SNX29: variants seen among roughly 807,000 people sequenced by gnomAD.
SNX29 encodes the protein sorting nexin 29, also known as sorting nexin-29.
A neutral mutation model predicts 102.1 loss-of-function variants in SNX29; 78 were observed. That is an observed-to-expected ratio of 0.76 (90% CI 0.64 to 0.92). The LOEUF (loss-of-function observed/expected upper bound fraction) is 0.92. Among genes scored for constraint, SNX29 ranks in the 40% least tolerant of loss-of-function variants. The pLI is 0.00. For missense variants in SNX29, 1,280 were observed against 1,061.7 expected (o/e 1.21, Z -2.86); for synonymous variants, 580 against 414.5 (o/e 1.40, Z -4.85).
chr16:12,571,745 A>C lies in SNX29; in HGVS notation c.*3116A>C. The C allele has an allele frequency of 9.8e-7, 1 of 1,021,554 alleles. No homozygotes were observed. Among genetic ancestry groups the C allele is most frequent in the Non-Finnish European group, 1.2e-6 (1 of 840,498 alleles). 63.3% of individuals were successfully genotyped at this position (1,021,554 alleles called of 1,614,324 possible). A position where few individuals can be genotyped will look rare whatever the true frequency, so the allele number is the denominator to read the frequency against. ...TTAAAGGCTGCTAGAAACCTAGCCCAACCATCCACTCCTGATCTGAGACAG... is the reference window on the plus strand; with the variant it reads ...TTAAAGGCTGCTAGAAACCTAGCCCCACCATCCACTCCTGATCTGAGACAG... On this transcript the variant is annotated 3_prime_UTR_variant, in exon 21 of 21. Transcript: ENST00000566228.
In SNX29 at chr16:12,162,967, C is replaced by T. The variant is rs143719462; in HGVS notation, c.1595+33209C>T. On this transcript the variant is annotated intron_variant, in intron 13 of 20. Transcript: ENST00000566228. The stretch of plus-strand genomic sequence containing the variant: ...TACGCTCTTGGCTCACTGCAACCTC[C>T]GCCTCCAGGGTTTAAGTGATTCTCT... Among the ~76,000 whole-genome samples, 491 of 152,206 alleles carry T rather than the reference C, an allele frequency of 3.2e-3. 1 individual carries two copies. Among genetic ancestry groups the T allele is most frequent in the African/African-American group, 0.011 (451 of 41,522 alleles).
intron 16 of SNX29, among the ~76,000 whole-genome samples, chr16:12,377,893 G>A (rs1158357877): frequency 6.6e-6 from 1 of 152,186 alleles, no homozygotes; most frequent in Non-Finnish European, 1.5e-5. Flanking sequence ...AACAGGGATT[G>A]AGGGTTTTCC....
At chr16:12,382,722 CT>C (rs887328262) in intron 16 of SNX29, among the ~76,000 whole-genome samples, 2 of 152,200 alleles carry the variant, frequency 1.3e-5, no homozygotes, top group African/African-American at 4.8e-5. Flanking sequence ...TGTGTTCCCC[CT>C]GGAGGCTCTA....
intron 20 of SNX29, among the ~76,000 whole-genome samples, chr16:12,549,349 G>A (rs971624981): frequency 2.0e-5 from 3 of 152,146 alleles, no homozygotes; most frequent in African/African-American, 7.2e-5. Flanking sequence ...ACAAAAATTA[G>A]CCATGGGTGG....
At chr16:12,453,978 C>G (rs2086422357) in intron 18 of SNX29, among the ~76,000 whole-genome samples, 1 of 151,962 alleles carries the variant, frequency 6.6e-6, no homozygotes, top group Non-Finnish European at 1.5e-5. Context: ...TTTTCCTTAT[C>G]TCTTAGTAAC....
At chr16:12,127,696 A>G (rs555447623) in intron 12 of SNX29, among the ~76,000 whole-genome samples, 3 of 152,334 alleles carry the variant, frequency 2.0e-5, no homozygotes, top group East Asian at 1.9e-4. Flanking sequence ...TGCTAAGATT[A>G]TAGACGTGAG....
At chr16:11,997,012 C>T (rs2056098637) in intron 1 of SNX29, among the ~76,000 whole-genome samples, 1 of 152,146 alleles carries the variant, frequency 6.6e-6, no homozygotes. Context: ...AAGGCAGGAT[C>T]CTTGGTATTG....
chr16:12,258,985 G>C (rs554183288), intron 14 of SNX29, among the ~76,000 whole-genome samples: 5 of 152,294 alleles, frequency 3.3e-5, no homozygotes, highest in African/African-American at 1.2e-4. Context: ...GACAAGAGTT[G>C]TTCCATCAGC....
chr16:12,466,785 G>T (rs753455653), intron 18 of SNX29, among the ~76,000 whole-genome samples: 1 of 152,202 alleles, frequency 6.6e-6, no homozygotes, highest in South Asian at 2.1e-4. Flanking sequence ...GGCTGCCTGG[G>T]CTCTTGGGTC....
At chr16:12,324,364 T>A (rs2081050959) in intron 15 of SNX29, among the ~76,000 whole-genome samples, 2 of 152,120 alleles carry the variant, frequency 1.3e-5, no homozygotes, top group South Asian at 4.2e-4. Context: ...CCAAACAGGA[T>A]GACCTTTCTC....
intron 18 of SNX29, among the ~76,000 whole-genome samples, chr16:12,406,710 C>A (rs2084180192): frequency 6.6e-6 from 1 of 152,168 alleles, no homozygotes; most frequent in African/African-American, 2.4e-5. Context: ...GAGTTCAAGA[C>A]CATCCTGGCC....
chr16:12,432,858 C>G (rs898002972), intron 18 of SNX29, among the ~76,000 whole-genome samples: 3 of 152,202 alleles, frequency 2.0e-5, no homozygotes, highest in Non-Finnish European at 4.4e-5. Context: ...CCCCACTATG[C>G]AACTGCCAGG....
chr16:12,398,372 T>C, intron 16 of SNX29, 74 bp from the exon 17 acceptor site: 1 of 1,511,220 alleles, frequency 6.6e-7, no homozygotes, highest in Non-Finnish European at 9.2e-7. Flanking sequence ...AGAGGCAGAA[T>C]TCTTCTGTGA....
chr16:12,092,394 A>G (rs1485480493), intron 11 of SNX29, among the ~76,000 whole-genome samples: 1 of 152,242 alleles, frequency 6.6e-6, no homozygotes, highest in Non-Finnish European at 1.5e-5. Context: ...CCGAGTTCCC[A>G]GAGGGCGGGC....
At position 12,573,242 on chromosome 16, in the gene SNX29, T is replaced by C. The variant is rs1455671531; in HGVS notation, c.*4613T>C. On this transcript the variant is annotated 3_prime_UTR_variant, in exon 21 of 21. Transcript: ENST00000566228. The stretch of plus-strand genomic sequence containing the variant: ...GCAGTTCATCCCATGGTTGTTGAAA[T>C]GTACCTCGATCAGTCATCTCTGGTA... 1 of 226,968 alleles carries C rather than the reference T, an allele frequency of 4.4e-6. No individual in the cohort carries two copies. The highest frequency in any genetic ancestry group is 2.2e-5 in the African/African-American group (1 of 45,016). 14.1% of individuals were successfully genotyped at this position (226,968 alleles called of 1,614,324 possible). A position where few individuals can be genotyped will look rare whatever the true frequency, so the allele number is the denominator to read the frequency against.
chr16:12,529,192 C>G (rs1466102733), intron 20 of SNX29, among the ~76,000 whole-genome samples: 1 of 152,134 alleles, frequency 6.6e-6, no homozygotes, highest in Non-Finnish European at 1.5e-5. Flanking sequence ...TGGGGCATTT[C>G]TTTTCTATTT....
intron 18 of SNX29, 55 bp from the exon 19 acceptor site, chr16:12,477,664 C>T: frequency 6.3e-7 from 1 of 1,592,490 alleles, no homozygotes; most frequent in East Asian, 2.2e-5. Context: ...AGCCGAAATC[C>T]TACTCCTTTA....
intron 15 of SNX29, among the ~76,000 whole-genome samples, chr16:12,281,255 C>T (rs1257896304): frequency 1.3e-5 from 2 of 152,166 alleles, no homozygotes; most frequent in African/African-American, 4.8e-5. Context: ...ACACCTTAAA[C>T]ATGGTGATTC....
Position 12,571,570 on chromosome 16 carries a change from G to A in SNX29, c.*2941G>A. Reference sequence around the variant, plus strand: ...GGAAGAATCCACACCGAATCCTTCTGTCTTCATGGCCTGCTGTGCTGAAAC... The same window carrying A: ...GGAAGAATCCACACCGAATCCTTCTATCTTCATGGCCTGCTGTGCTGAAAC... On this transcript the variant is annotated 3_prime_UTR_variant, in exon 21 of 21. Transcript: ENST00000566228. 1.9e-6 allele frequency: 2 copies of A among 1,032,816 alleles called. No individual in the cohort carries two copies. The highest frequency in any genetic ancestry group is 2.4e-6 in the Non-Finnish European group (2 of 850,412). 64.0% of individuals were successfully genotyped at this position (1,032,816 alleles called of 1,614,324 possible).
Sources: allele counts gnomAD v4.1 joint callset (sites outside exome capture counted in the v4.1 genomes callset), GRCh38; gene constraint gnomAD v4.1.1; transcripts MANE v1.5; gene names NCBI Gene and HGNC (gene_info 2026-07-23, HGNC 2026-07-21).